Variants in PTGFRN observed in about 807,000 individuals in gnomAD.
PTGFRN encodes the protein prostaglandin F2 receptor negative regulator.
A neutral mutation model predicts 83.2 loss-of-function variants in PTGFRN; 35 were observed. That is an observed-to-expected ratio of 0.42 (90% CI 0.32 to 0.56). The LOEUF (loss-of-function observed/expected upper bound fraction) is 0.56, where lower values mean the gene tolerates loss of function less well. Ranked by LOEUF, PTGFRN falls within the 20% of genes least tolerant of loss-of-function variation. PTGFRN has a pLI of 0.11. For missense variants in PTGFRN, 1,051 were observed against 1,179.5 expected (o/e 0.89, Z 1.60); for synonymous variants, 519 against 498.6 (o/e 1.04, Z -0.55).
chr1:116,944,132 C>A (rs1203817055), intron 2 of PTGFRN, among the ~76,000 whole-genome samples: 1 of 152,250 alleles, frequency 6.6e-6, no homozygotes, highest in Non-Finnish European at 1.5e-5. Flanking sequence ...CAGCTCATGC[C>A]ATCCTTTCTC....
chr1:116,945,716 G>A (rs547241155), intron 3 of PTGFRN, among the ~76,000 whole-genome samples: 1 of 150,038 alleles, frequency 6.7e-6, no homozygotes, highest in East Asian at 2.0e-4. Context: ...TGTACAAGAA[G>A]CCCTTTGTCC....
intron 6 of PTGFRN, among the ~76,000 whole-genome samples, chr1:116,967,548 G>C (rs1650876322): frequency 6.6e-6 from 1 of 152,122 alleles, no homozygotes; most frequent in Admixed American, 6.5e-5. Flanking sequence ...GACCCCAAAA[G>C]AAACCTGGAC....
At position 116,941,700 on chromosome 1, in the gene PTGFRN, C is replaced by G. The variant is rs994690458; in HGVS notation, c.50-15C>G. On this transcript the variant is annotated splice_polypyrimidine_tract_variant and intron_variant, in intron 1 of 8. Transcript: ENST00000393203. The surrounding 1 kb of genome is among the most constrained non-coding windows in gnomAD (Gnocchi z 5.0). ...CTGTGATTAAAGACCTGCCTTTCAT[C>G]TTTTATCATTGCAGCTCTTTGCCGA... 5.6e-6 allele frequency: 9 copies of G among 1,595,116 alleles called. No homozygotes were observed. The highest frequency in any genetic ancestry group is 6.8e-6 in the Non-Finnish European group (8 of 1,169,598).
At chr1:116,971,016 T>C (rs1426899128) in intron 6 of PTGFRN, among the ~76,000 whole-genome samples, 2 of 152,200 alleles carry the variant, frequency 1.3e-5, no homozygotes, top group Non-Finnish European at 2.9e-5. Context: ...CTTCGTAATA[T>C]ATAGAAAATT....
chr1:116,940,894 G>A (rs560033991), intron 1 of PTGFRN, among the ~76,000 whole-genome samples: 62 of 152,304 alleles, frequency 4.1e-4, no homozygotes, highest in Non-Finnish European at 7.5e-4. Flanking sequence ...TTGCAATGAA[G>A]ACATCTTAAA....
intron 6 of PTGFRN, among the ~76,000 whole-genome samples, chr1:116,973,700 C>A (rs1175261527): frequency 6.6e-6 from 1 of 152,042 alleles, no homozygotes; most frequent in Non-Finnish European, 1.5e-5. Context: ...CACCACACCT[C>A]ATAGAAATAT....
intron 1 of PTGFRN, among the ~76,000 whole-genome samples, chr1:116,912,140 A>G (rs1191092931): frequency 6.6e-6 from 1 of 152,206 alleles, no homozygotes; most frequent in East Asian, 1.9e-4. Context: ...ACTGACAAAA[A>G]CAAAATAGAA....
intron 6 of PTGFRN, among the ~76,000 whole-genome samples, chr1:116,973,916 G>A (rs1223233568): frequency 1.3e-5 from 2 of 152,192 alleles, no homozygotes; most frequent in African/African-American, 4.8e-5. Context: ...GCTGTTCCAG[G>A]GTGGAGGGTA....
chr1:116,976,357 C>T (rs1228172458), intron 7 of PTGFRN, among the ~76,000 whole-genome samples: 1 of 152,144 alleles, frequency 6.6e-6, no homozygotes, highest in East Asian at 1.9e-4. Context: ...CATTCAACTT[C>T]AGGAAATACA....
rs752830243 is a variant in PTGFRN, at chr1:116,967,050, C to T, written c.1779C>T (p.Val593=). 4.0e-5 allele frequency: 65 copies of T among 1,614,072 alleles called. No individual in the cohort carries two copies. Among genetic ancestry groups the T allele is most frequent in the South Asian group, 3.6e-4 (33 of 91,076 alleles). ...TTCTCATCATGGCTGAGAAGCCTGT[C>T]GGCGACCTCTCCAGTCCCAATGAAA... ...YSVLIMAEKP[V]GDLSSPNETK... The change falls in exon 6 of 9, where the codon GTC becomes GTT. Residue 593 remains valine (V), a synonymous_variant. Coordinates refer to ENST00000393203, the MANE Select transcript of PTGFRN (RefSeq NM_020440.4).
At chr1:116,975,850 G>A (rs926832150) in intron 7 of PTGFRN, among the ~76,000 whole-genome samples, 1 of 152,222 alleles carries the variant, frequency 6.6e-6, no homozygotes, top group Non-Finnish European at 1.5e-5. Flanking sequence ...CTCTTCTCCA[G>A]CAACGGAACA....
intron 7 of PTGFRN, among the ~76,000 whole-genome samples, chr1:116,983,015 T>C (rs1027510053): frequency 1.3e-5 from 2 of 151,716 alleles, no homozygotes; most frequent in African/African-American, 4.9e-5. Context: ...TGTAGGAGCA[T>C]GTGTGTTGAG....
At chr1:116,934,846 T>C (rs936409985) in intron 1 of PTGFRN, among the ~76,000 whole-genome samples, 3 of 152,230 alleles carry the variant, frequency 2.0e-5, no homozygotes, top group Non-Finnish European at 4.4e-5. Flanking sequence ...AGCTCATCTT[T>C]ATCCAATGAG....
At chr1:116,968,313 A>G (rs1171639202) in intron 6 of PTGFRN, among the ~76,000 whole-genome samples, 1 of 152,158 alleles carries the variant, frequency 6.6e-6, no homozygotes, top group African/African-American at 2.4e-5. Flanking sequence ...TTGTTGAATT[A>G]AATGATTAGC....
intron 1 of PTGFRN, among the ~76,000 whole-genome samples, chr1:116,916,588 G>A (rs1302117689): frequency 6.6e-6 from 1 of 152,178 alleles, no homozygotes; most frequent in Non-Finnish European, 1.5e-5. Flanking sequence ...GGCAGGAGCT[G>A]CCTCTAAATC....
At chr1:116,959,445 C>T (rs1362529335) in intron 4 of PTGFRN, among the ~76,000 whole-genome samples, 1 of 152,192 alleles carries the variant, frequency 6.6e-6, no homozygotes, top group African/African-American at 2.4e-5. Context: ...TTCTGGTCCA[C>T]TGAATCATTC....
chr1:116,965,961 GAGA>G (rs1193001420), intron 5 of PTGFRN, among the ~76,000 whole-genome samples: 2 of 152,140 alleles, frequency 1.3e-5, no homozygotes, highest in Non-Finnish European at 2.9e-5. Flanking sequence ...TGGTTCTGGA[GAGA>G]GTTCTTAATA....
chr1:116,947,390 C>T (rs2101067039), intron 3 of PTGFRN, among the ~76,000 whole-genome samples: 1 of 152,346 alleles, frequency 6.6e-6, no homozygotes, highest in South Asian at 2.1e-4. Flanking sequence ...TCCCTTCTTT[C>T]ATTACAAATA....
At position 116,918,757 on chromosome 1, in the gene PTGFRN, T is replaced by G. The variant is rs1649469257; in HGVS notation, c.49+8505T>G. ...TGTAGTAAAGGCAGTGGGCCTAGTT[T>G]CGTGGCTTTATCCCACCAAGTTTGG... On this transcript the variant is annotated intron_variant, in intron 1 of 8. Coordinates refer to ENST00000393203, the MANE Select transcript of PTGFRN (RefSeq NM_020440.4). The surrounding 1 kb of genome is among the most constrained non-coding windows in gnomAD (Gnocchi z 4.1). 6.6e-6 allele frequency among the ~76,000 whole-genome samples: 1 copy of G among 152,176 alleles called. No homozygotes were observed. The highest frequency in any genetic ancestry group is 2.1e-4 in the South Asian group (1 of 4,828).
Sources: gnomAD v4.1 joint callset for allele counts (sites outside exome capture counted in the v4.1 genomes callset) on GRCh38, gnomAD v4.1.1 for gene constraint, Gnocchi (gnomAD v3.1) non-coding constraint, MANE v1.5 for transcripts, NCBI Gene and HGNC (gene_info 2026-07-23, HGNC 2026-07-21) for gene names.